The following NXPE2 variants were observed in gnomAD, a reference collection of about 807,000 sequenced individuals.
NXPE2 encodes neurexophilin and PC-esterase domain family member 2.
NXPE2 carries 34 observed loss-of-function variants against 34.4 expected under a neutral mutation model. The ratio of observed to expected loss-of-function variants is 0.99; its 90% CI spans 0.75 to 1.31. The LOEUF is 1.31. Ranked by LOEUF, NXPE2 falls within the 40% of genes most tolerant of loss-of-function variation. The pLI is 0.00. For synonymous variants in NXPE2, 235 were observed against 231.3 expected, an observed-to-expected ratio of 1.02 and a Z score of -0.15; for missense variants, 649 against 672.5, an observed-to-expected ratio of 0.97 and a Z score of 0.39.
the NXPE2 span, among the ~76,000 whole-genome samples, chr11:114,610,407 G>A: frequency 6.8e-6 from 1 of 147,486 alleles, no homozygotes; most frequent in East Asian, 2.1e-4. Context: ...TGTTATCCAG[G>A]GAATAATACC....
the NXPE2 span, among the ~76,000 whole-genome samples, chr11:114,741,960 G>T: frequency 6.6e-6 from 1 of 152,138 alleles, no homozygotes; most frequent in African/African-American, 2.4e-5. Flanking sequence ...CTTTGGAAAA[G>T]AAAGACCTTT....
chr11:114,576,069 T>C, the NXPE2 span, among the ~76,000 whole-genome samples: 1 of 152,270 alleles, frequency 6.6e-6, no homozygotes, highest in South Asian at 2.1e-4. Context: ...CAACTGATCT[T>C]TGACAAAGCA....
the NXPE2 span, among the ~76,000 whole-genome samples, chr11:114,633,140 T>C: frequency 1.6e-5 from 2 of 126,506 alleles, no homozygotes; most frequent in Admixed American, 8.8e-5. Flanking sequence ...TTTCATATAT[T>C]ATTTTATATA....
At chr11:114,748,905 A>T in the NXPE2 span, among the ~76,000 whole-genome samples, 1 of 152,206 alleles carries the variant, frequency 6.6e-6, no homozygotes, top group Non-Finnish European at 1.5e-5. Context: ...TATTCAATGG[A>T]TTATAATTAG....
the NXPE2 span, among the ~76,000 whole-genome samples, chr11:114,539,632 A>T: frequency 6.6e-6 from 1 of 152,198 alleles, no homozygotes; most frequent in African/African-American, 2.4e-5. Context: ...TAAATTCTTA[A>T]GATGGGAGAT....
At chr11:114,512,193 G>T in the NXPE2 span, among the ~76,000 whole-genome samples, 1 of 152,104 alleles carries the variant, frequency 6.6e-6, no homozygotes, top group African/African-American at 2.4e-5. Context: ...TAAGAAAAAA[G>T]AAAAATGTTT....
rs1444116010 is a variant in NXPE2, at chr11:114,679,758, C to G, written c.128C>G (p.Thr43Arg). 1.3e-6 allele frequency: 2 copies of G among 1,536,486 alleles called. No individual in the cohort carries two copies. Among genetic ancestry groups the G allele is most frequent in the South Asian group, 2.4e-5 (2 of 83,414 alleles). Residue 43 changes from threonine (T) to arginine (R), a missense_variant, in exon 2 of 6, where the codon ACA becomes AGA. Coordinates refer to ENST00000389586, the MANE Select transcript of NXPE2 (RefSeq NM_182495.6). ...ATTTACTTGGCTTCAAAAGACCACA[C>G]AAAGGTAGGAAGTTTCATTTTTAAG... ...WIIYLASKDH[T>R]KFSFNLENHI...
the NXPE2 span, among the ~76,000 whole-genome samples, chr11:114,803,584 C>CCCTCT: frequency 6.9e-6 from 1 of 144,526 alleles, no homozygotes; most frequent in Non-Finnish European, 1.5e-5. Context: ...CTCTCTCTCT[C>CCCTCT]TTTTTTTTTT....
At chr11:114,536,208 G>A in the NXPE2 span, among the ~76,000 whole-genome samples, 1 of 152,186 alleles carries the variant, frequency 6.6e-6, no homozygotes, top group Admixed American at 6.5e-5. Flanking sequence ...AATGAAGGCA[G>A]AAATGAAGAT....
the NXPE2 span, among the ~76,000 whole-genome samples, chr11:114,667,178 A>G: frequency 2.6e-5 from 4 of 152,154 alleles, no homozygotes; most frequent in Admixed American, 6.6e-5. Context: ...ATTGACAGAG[A>G]GTGACAAAAC....
At chr11:114,498,573 A>G in the NXPE2 span, among the ~76,000 whole-genome samples, 2 of 152,028 alleles carry the variant, frequency 1.3e-5, no homozygotes, top group African/African-American at 4.8e-5. Flanking sequence ...ATGAGAGTGC[A>G]CTCTGTATTT....
chr11:114,758,973 C>T, the NXPE2 span, among the ~76,000 whole-genome samples: 1 of 151,802 alleles, frequency 6.6e-6, no homozygotes, highest in Non-Finnish European at 1.5e-5. Flanking sequence ...CAATTTTACC[C>T]CAATTTCTGT....
the NXPE2 span, chr11:114,527,862 G>A: frequency 6.2e-7 from 1 of 1,606,782 alleles, no homozygotes; most frequent in Non-Finnish European, 8.5e-7. Context: ...TGACATCAAT[G>A]TGTTTACGAT....
chr11:114,782,520 A>C, the NXPE2 span, among the ~76,000 whole-genome samples: 1 of 152,232 alleles, frequency 6.6e-6, no homozygotes, highest in African/African-American at 2.4e-5. Flanking sequence ...AGCCATCCAC[A>C]TACCATTTAA....
intron 3 of NXPE2, among the ~76,000 whole-genome samples, chr11:114,700,290 C>G (rs544030025): frequency 5.3e-5 from 8 of 152,288 alleles, no homozygotes; most frequent in Non-Finnish European, 1.2e-4. Context: ...TATTAAAACT[C>G]TTTAACATGA....
chr11:114,540,252 G>A, the NXPE2 span, among the ~76,000 whole-genome samples: 4 of 152,076 alleles, frequency 2.6e-5, no homozygotes, highest in East Asian at 3.9e-4. Flanking sequence ...CACCATGCCC[G>A]GCCAATAAAT....
At chr11:114,650,855 G>C in the NXPE2 span, among the ~76,000 whole-genome samples, 3 of 151,998 alleles carry the variant, frequency 2.0e-5, no homozygotes. Context: ...TCTCACTGCT[G>C]CCCTACCCCA....
At chr11:114,585,235 C>A in the NXPE2 span, among the ~76,000 whole-genome samples, 72 of 151,700 alleles carry the variant, frequency 4.7e-4, no homozygotes, top group African/African-American at 1.7e-3. Context: ...CCATCCTCCA[C>A]CTGCAGAATT....
At chr11:114,650,888 A>C in the NXPE2 span, among the ~76,000 whole-genome samples, 2 of 152,218 alleles carry the variant, frequency 1.3e-5, no homozygotes, top group Non-Finnish European at 2.9e-5. Flanking sequence ...AAAAACGGCA[A>C]GCTGCAGCTG....
Sources: gnomAD v4.1 joint callset for allele counts (sites outside exome capture counted in the v4.1 genomes callset) on GRCh38, gnomAD v4.1.1 for gene constraint, MANE v1.5 for transcripts, NCBI Gene and HGNC (gene_info 2026-07-23, HGNC 2026-07-21) for gene names.